GNAL: variants seen among roughly 807,000 people sequenced by gnomAD.
GNAL encodes the protein G protein subunit alpha L.
GNAL carries 18 observed loss-of-function variants against 55.1 expected under a neutral mutation model. The observed-to-expected ratio is 0.33, with a 90% CI of 0.23 to 0.48. The LOEUF is 0.48. Among genes scored for constraint, GNAL ranks in the 20% least tolerant of loss-of-function variants. GNAL has a pLI of 0.99. For missense variants in GNAL, 412 were observed against 614.1 expected (o/e 0.67, Z 3.48); for synonymous variants, 253 against 237.0 (o/e 1.07, Z -0.62).
intron 7 of GNAL, 113 bp downstream of exon 7, chr18:11,864,719 G>A (rs2036221881): frequency 2.8e-6 from 2 of 717,908 alleles, no homozygotes; most frequent in East Asian, 5.0e-5. Flanking sequence ...GCCCTTTCAG[G>A]TAAGAGCAGC....
intron 11 of GNAL, among the ~76,000 whole-genome samples, chr18:11,877,873 C>G (rs1240381148): frequency 2.0e-5 from 3 of 152,050 alleles, no homozygotes; most frequent in Admixed American, 6.6e-5. Context: ...AGAGTTCCCC[C>G]AGAAGTGCAT....
intron 1 of GNAL, among the ~76,000 whole-genome samples, chr18:11,691,952 T>G (rs536647420): frequency 6.6e-6 from 1 of 152,302 alleles, no homozygotes; most frequent in African/African-American, 2.4e-5. Context: ...AGCTTAGCTA[T>G]AGCAAATACG....
intron 4 of GNAL, among the ~76,000 whole-genome samples, chr18:11,760,847 C>G (rs1419028112): frequency 2.0e-5 from 3 of 152,208 alleles, no homozygotes; most frequent in Non-Finnish European, 2.9e-5. Flanking sequence ...CTGCCAGACC[C>G]TTTGTATGTG....
At chr18:11,861,243 G>A (rs113779217) in intron 5 of GNAL, among the ~76,000 whole-genome samples, 565 of 151,528 alleles carry the variant, frequency 3.7e-3, no homozygotes, top group Non-Finnish European at 4.9e-3. Flanking sequence ...GGGCCCCCCC[G>A]ACCCCTCCCT....
chr18:11,719,772 C>G (rs1225689860), intron 1 of GNAL, among the ~76,000 whole-genome samples: 1 of 150,544 alleles, frequency 6.6e-6, no homozygotes, highest in East Asian at 1.9e-4. Flanking sequence ...CATGCTGCAG[C>G]AGCCATGGAC....
At chr18:11,864,751 G>C in intron 7 of GNAL, 145 bp downstream of exon 7, 1 of 638,606 alleles carries the variant, frequency 1.6e-6, no homozygotes, top group Non-Finnish European at 2.9e-6. Context: ...TTGAACTCTA[G>C]CAAGAGTTGA....
chr18:11,707,092 C>T (rs1319378283), intron 1 of GNAL, among the ~76,000 whole-genome samples: 1 of 152,152 alleles, frequency 6.6e-6, no homozygotes, highest in Non-Finnish European at 1.5e-5. Context: ...ACTGCAGCCT[C>T]AACCTCCCAG....
chr18:11,808,746 G>A (rs1027938776), intron 4 of GNAL, among the ~76,000 whole-genome samples: 1 of 152,224 alleles, frequency 6.6e-6, no homozygotes, highest in Non-Finnish European at 1.5e-5. Context: ...AGTAGAAACA[G>A]CCTAAATGTT....
chr18:11,726,999 C>T (rs1222252861), intron 1 of GNAL, among the ~76,000 whole-genome samples: 2 of 151,780 alleles, frequency 1.3e-5, no homozygotes, highest in African/African-American at 4.8e-5. Context: ...TTTAGTGACA[C>T]CAGGAACCAG....
At chr18:11,803,630 T>G (rs1342847741) in intron 4 of GNAL, among the ~76,000 whole-genome samples, 1 of 152,156 alleles carries the variant, frequency 6.6e-6, no homozygotes, top group Non-Finnish European at 1.5e-5. Context: ...GCAGTTTGGA[T>G]GGAACACGGA....
At chr18:11,864,978 A>G (rs787555) in intron 7 of GNAL, among the ~76,000 whole-genome samples, 146,428 of 152,206 alleles carry the variant, frequency 0.96, 70,672 homozygotes, top group East Asian at 1. Context: ...CTGCAAACTC[A>G]GCCAAATGAG....
chr18:11,754,827 TTGCTTA>T (rs145192045), intron 4 of GNAL, among the ~76,000 whole-genome samples: 10,649 of 152,282 alleles, frequency 0.07, 596 homozygotes, highest in African/African-American at 0.16. Context: ...GATGGCAGTA[TTGCTTA>T]TGCAAAAGAG....
At chr18:11,874,651 GA>G (rs566156147) in intron 10 of GNAL, among the ~76,000 whole-genome samples, 23,997 of 129,510 alleles carry the variant, frequency 0.19, 4,663 homozygotes, top group African/African-American at 0.49. Context: ...TTAGTCTCAA[GA>G]AAAAAAAAAA....
At chr18:11,780,334 G>A (rs1325366782) in intron 4 of GNAL, among the ~76,000 whole-genome samples, 5 of 150,840 alleles carry the variant, frequency 3.3e-5, no homozygotes, top group African/African-American at 1.2e-4. Flanking sequence ...GACCTTTTTC[G>A]GAGCAAATAT....
intron 4 of GNAL, among the ~76,000 whole-genome samples, chr18:11,754,994 GTGTA>G (rs1216829810): frequency 1.8e-4 from 13 of 73,524 alleles, no homozygotes; most frequent in Middle Eastern, 6.0e-3. Flanking sequence ...AGAAGTGAGT[GTGTA>G]TGTGTGTGTG....
intron 11 of GNAL, among the ~76,000 whole-genome samples, chr18:11,877,593 G>A (rs758300337): frequency 4.0e-5 from 6 of 150,888 alleles, no homozygotes; most frequent in African/African-American, 9.8e-5. Flanking sequence ...GTTTTTACTC[G>A]CTTCAAACTA....
chr18:11,750,264 G>T lies in GNAL; in HGVS notation c.377-2589G>T, dbSNP rs138604349. ...GAACTGAGAAAGGAGCAGGTAGAAGGCGTGAGGGTGGCACGGGGCATGAGC... is the reference window on the plus strand; with the variant it reads ...GAACTGAGAAAGGAGCAGGTAGAAGTCGTGAGGGTGGCACGGGGCATGAGC... On this transcript the variant is annotated intron_variant, in intron 1 of 11. Transcript: ENST00000334049. Among the ~76,000 whole-genome samples, 701 of 152,268 alleles carry T rather than the reference G, an allele frequency of 4.6e-3. 8 individuals are homozygous for T. Among genetic ancestry groups the T allele is most frequent in the African/African-American group, 0.016 (661 of 41,546 alleles).
chr18:11,691,916 C>T (rs2031261329), intron 1 of GNAL, among the ~76,000 whole-genome samples: 1 of 152,112 alleles, frequency 6.6e-6, no homozygotes, highest in African/African-American at 2.4e-5. Flanking sequence ...GAACCAAATG[C>T]TTGCTCTCCT....
intron 4 of GNAL, among the ~76,000 whole-genome samples, chr18:11,817,952 C>G (rs1007469888): frequency 6.6e-6 from 1 of 150,982 alleles, no homozygotes; most frequent in Non-Finnish European, 1.5e-5. Context: ...TTTAGATATA[C>G]TGGCCAGGCA....
Sources: allele counts gnomAD v4.1 joint callset (sites outside exome capture counted in the v4.1 genomes callset), GRCh38; gene constraint gnomAD v4.1.1; transcripts MANE v1.5; gene names NCBI Gene and HGNC (gene_info 2026-07-23, HGNC 2026-07-21).